Variants in SNF8 observed in about 807,000 individuals in gnomAD.
SNF8 encodes SNF8 subunit of ESCRT-II.
Under a neutral mutation model 36.8 loss-of-function variants are expected in SNF8, and 19 were observed. That is an observed-to-expected ratio of 0.52 (90% CI 0.36 to 0.76). The LOEUF (loss-of-function observed/expected upper bound fraction) is 0.76. SNF8 is among the 30% of genes least tolerant of loss of function. SNF8 has a pLI of 0.00. For missense variants in SNF8, 268 were observed against 322.9 expected, an observed-to-expected ratio of 0.83 and a Z score of 1.30; for synonymous variants, 127 against 127.4, an observed-to-expected ratio of 1.00 and a Z score of 0.02.
intron 2 of SNF8, among the ~76,000 whole-genome samples, chr17:48,941,708 T>C (rs1304963830): frequency 6.6e-6 from 1 of 152,086 alleles, no homozygotes; most frequent in Non-Finnish European, 1.5e-5. Context: ...TTAATTTTTT[T>C]GAGACAGAAT....
At chr17:48,933,124 G>A (rs1452284540) in intron 6 of SNF8, 81 bp downstream of exon 6, 3 of 1,501,354 alleles carry the variant, frequency 2.0e-6, no homozygotes, top group Non-Finnish European at 2.7e-6. Flanking sequence ...TGCATAATGG[G>A]GAGCACGAGC....
intron 7 of SNF8, among the ~76,000 whole-genome samples, chr17:48,931,102 G>GT (rs1364134703): frequency 3.3e-5 from 5 of 152,120 alleles, no homozygotes; most frequent in Non-Finnish European, 7.3e-5. Context: ...AAATAATTAT[G>GT]TTATCCCCAT....
chr17:48,931,617 T>C (rs747370118), intron 7 of SNF8, 26 bp downstream of exon 7: 1 of 1,605,106 alleles, frequency 6.2e-7, no homozygotes, highest in East Asian at 2.3e-5. Context: ...TGCCTGTCTT[T>C]TCTGGACTGT....
chr17:48,934,743 C>A (rs1180772136), intron 5 of SNF8, among the ~76,000 whole-genome samples: 2 of 152,012 alleles, frequency 1.3e-5, no homozygotes, highest in Non-Finnish European at 2.9e-5. Context: ...TTTGTAGAGA[C>A]AAGGTCTCAC....
rs941809349 is a variant in SNF8, at chr17:48,930,482, A to C, written c.770T>G (p.Leu257Arg). 1.1e-5 allele frequency: 18 copies of C among 1,603,656 alleles called. No homozygotes were observed. The highest frequency in any genetic ancestry group is 8.5e-7 in the Non-Finnish European group (1 of 1,174,958). Residue 257 changes from leucine to arginine, a missense_variant, in exon 8 of 8, where the codon CTC becomes CGC. Transcript: ENST00000502492. ...EITAEEAREA[L>R]P ...GTGCCCTTCCACATGCAGTCAGGGG[A>C]GGGCTTCTCTGGCCTCCTCAGCTGT...
intron 7 of SNF8, among the ~76,000 whole-genome samples, 183 bp downstream of exon 7, chr17:48,931,460 C>A (rs1340403572): frequency 1.3e-5 from 2 of 152,174 alleles, no homozygotes. Context: ...AGGAACCTGC[C>A]TTCCTAGTTC....
Position 48,936,238 on chromosome 17 carries a change from C to G in SNF8, c.354G>C (p.Leu118=). The change falls in exon 5 of 8, where the codon CTG becomes CTC. Residue 118 remains leucine, a synonymous_variant. Coordinates refer to ENST00000502492, the MANE Select transcript of SNF8 (RefSeq NM_007241.4). ...GTTGATGTAGTTCCTCCAAAGTTATCAGACCTGTTTGGAGACAGGGAACAG... is the reference window on the plus strand; with the variant it reads ...GTTGATGTAGTTCCTCCAAAGTTATGAGACCTGTTTGGAGACAGGGAACAG... ...CLALKHRNGG[L]ITLEELHQQV... 2 of 1,613,602 alleles carry G rather than the reference C, an allele frequency of 1.2e-6. No homozygotes were observed. The highest frequency in any genetic ancestry group is 1.7e-6 in the Non-Finnish European group (2 of 1,179,556).
intron 5 of SNF8, among the ~76,000 whole-genome samples, chr17:48,934,968 A>C (rs2040913186): frequency 6.6e-6 from 1 of 152,198 alleles, no homozygotes; most frequent in Admixed American, 6.6e-5. Flanking sequence ...TCGCACATAG[A>C]GGCTGGAGAA....
chr17:48,932,446 T>C (rs1241648930), intron 6 of SNF8: 1 of 152,212 alleles, frequency 6.6e-6, no homozygotes, highest in South Asian at 2.1e-4. Context: ...AGTTCTGTTT[T>C]ACGTCATAAA....
chr17:48,941,562 T>C (rs1166500175), intron 2 of SNF8, among the ~76,000 whole-genome samples: 1 of 152,132 alleles, frequency 6.6e-6, no homozygotes, highest in East Asian at 1.9e-4. Context: ...CACATGAATC[T>C]GTTTATAACC....
chr17:48,943,920 C>T lies in SNF8; in HGVS notation c.105+5G>A, dbSNP rs1261797799. On this transcript the variant is annotated splice_donor_5th_base_variant and intron_variant, in intron 2 of 7. Coordinates refer to ENST00000502492, the MANE Select transcript of SNF8 (RefSeq NM_007241.4). ...TCCCTGCCTGGGGCCCCCCAACCGA[C>T]TTACCTGGGCTAGCTGGTCCTCAGC... The T allele has an allele frequency of 1.2e-6, 2 of 1,614,000 alleles. No homozygotes were observed. Among genetic ancestry groups the T allele is most frequent in the South Asian group, 1.1e-5 (1 of 91,090 alleles).
intron 4 of SNF8, chr17:48,936,777 T>C (rs1393171583): frequency 5.4e-6 from 3 of 555,062 alleles, no homozygotes; most frequent in African/African-American, 3.8e-5. Flanking sequence ...TACTATTTTC[T>C]GTACTGACTA....
At chr17:48,930,692 T>C in intron 7 of SNF8, 80 bp from the exon 8 acceptor site, 4 of 1,438,928 alleles carry the variant, frequency 2.8e-6, no homozygotes, top group Non-Finnish European at 3.7e-6. Flanking sequence ...CCCCCACACC[T>C]ATTTTGGCTT....
chr17:48,930,382 T>A lies in SNF8; in HGVS notation c.*93A>T. ...AGGGAAGAAAGAAAAACTTGGAACT[T>A]TTTTTCTATTTTTTGTATAAACAAA... is the stretch of plus-strand genomic sequence containing the variant. On this transcript the variant is annotated 3_prime_UTR_variant, in exon 8 of 8. Coordinates refer to ENST00000502492, the MANE Select transcript of SNF8 (RefSeq NM_007241.4). The A allele has an allele frequency of 7.6e-7, 1 of 1,315,322 alleles. No homozygotes were observed. Among genetic ancestry groups the A allele is most frequent in the Non-Finnish European group, 9.9e-7 (1 of 1,011,784 alleles). The allele number at this position is 1,315,322 out of a possible 1,614,324, so 81.5% of individuals were successfully genotyped here.
In SNF8 at chr17:48,944,842, C is replaced by T; in HGVS notation, c.-108G>A. 7.2e-7 allele frequency: 1 copy of T among 1,388,006 alleles called. No homozygotes were observed. Among genetic ancestry groups the T allele is most frequent in the Non-Finnish European group, 9.2e-7 (1 of 1,081,670 alleles). 86.0% of individuals were successfully genotyped at this position (1,388,006 alleles called of 1,614,324 possible). On this transcript the variant is annotated 5_prime_UTR_variant, in exon 1 of 8. Coordinates refer to ENST00000502492, the MANE Select transcript of SNF8 (RefSeq NM_007241.4). ...GGAAGCCCGAGCCGCGCGTCATCTG[C>T]ACGCGCCGGAAGCCACGAGCCGCAT...
Position 48,936,785 on chromosome 17 carries a change from C to T in SNF8, c.349+235G>A, listed in dbSNP as rs1048274955. On this transcript the variant is annotated intron_variant, in intron 4 of 7. Coordinates refer to ENST00000502492, the MANE Select transcript of SNF8 (RefSeq NM_007241.4). ...ACCTCTCTACTATTTTCTGTACTGACTAGGGACTAGACCTTCCTGGCCAAA... is the reference window on the plus strand; with the variant it reads ...ACCTCTCTACTATTTTCTGTACTGATTAGGGACTAGACCTTCCTGGCCAAA... 1.0e-5 allele frequency: 6 copies of T among 572,206 alleles called. No homozygotes were observed. In the African/African-American group the frequency reaches 1.1e-4, roughly 11 times the overall value. The allele number at this position is 572,206 out of a possible 1,614,324, so 35.4% of individuals were successfully genotyped here.
At position 48,940,919 on chromosome 17, in the gene SNF8, C is replaced by A. The variant is rs1333944217; in HGVS notation, c.244+5G>T. 6.2e-7 allele frequency: 1 copy of A among 1,611,798 alleles called. No individual in the cohort carries two copies. Among genetic ancestry groups the A allele is most frequent in the South Asian group, 1.1e-5 (1 of 90,988 alleles). On this transcript the variant is annotated splice_donor_5th_base_variant and intron_variant, in intron 3 of 7. Transcript: ENST00000502492. ...AACGCTGGACCCCTACAGACAACTT[C>A]TTACAGGCCAGCGGATCCACGCCAA...
At position 48,942,813 on chromosome 17, in the gene SNF8, G is replaced by A. The variant is rs574841745; in HGVS notation, c.105+1112C>T. Among the ~76,000 whole-genome samples, 3 of 148,018 alleles carry A rather than the reference G, an allele frequency of 2.0e-5. No homozygotes were observed. The East Asian group carries it at 5.9e-4, about 29-fold the overall frequency. On this transcript the variant is annotated intron_variant, in intron 2 of 7. Transcript: ENST00000502492. ...TCTGCCCACCTCGGCCTCCCAAAGT[G>A]CTGGGATTACAGGCGTTAGCCACCG...
In SNF8 at chr17:48,940,920, T is replaced by C. The variant is rs1441333546; in HGVS notation, c.244+4A>G. 6.2e-7 allele frequency: 1 copy of C among 1,611,748 alleles called. No individual in the cohort carries two copies. Among genetic ancestry groups the C allele is most frequent in the South Asian group, 1.1e-5 (1 of 90,974 alleles). The stretch of plus-strand genomic sequence containing the variant: ...ACGCTGGACCCCTACAGACAACTTC[T>C]TACAGGCCAGCGGATCCACGCCAAT... On this transcript the variant is annotated splice_donor_region_variant and intron_variant, in intron 3 of 7. Transcript: ENST00000502492.
Sources: gnomAD v4.1 joint callset for allele counts (sites outside exome capture counted in the v4.1 genomes callset) on GRCh38, gnomAD v4.1.1 for gene constraint, MANE v1.5 for transcripts, NCBI Gene and HGNC (gene_info 2026-07-23, HGNC 2026-07-21) for gene names.